Variants in GALNTL6 observed in about 807,000 individuals in gnomAD.
The protein encoded by GALNTL6 is polypeptide N-acetylgalactosaminyltransferase-like 6.
Under a neutral mutation model 73.7 loss-of-function variants are expected in GALNTL6, and 46 were observed. The observed-to-expected ratio is 0.62, with a 90% CI of 0.49 to 0.80. GALNTL6 has a LOEUF of 0.80. GALNTL6 is among the 30% of genes least tolerant of loss of function. The pLI, the probability that GALNTL6 is intolerant of heterozygous loss-of-function variation, is 0.00. For synonymous variants in GALNTL6, 259 were observed against 263.7 expected (o/e 0.98, Z 0.17); for missense variants, 604 against 755.0 (o/e 0.80, Z 2.34).
intron 2 of GALNTL6, among the ~76,000 whole-genome samples, chr4:172,176,253 T>C (rs1377276450): frequency 1.4e-5 from 2 of 142,186 alleles, no homozygotes; most frequent in African/African-American, 5.3e-5. Flanking sequence ...GGCAGGAGAA[T>C]GGCGTGAACC....
chr4:172,054,256 CAT>C (rs1222763974), intron 2 of GALNTL6, among the ~76,000 whole-genome samples: 1 of 152,072 alleles, frequency 6.6e-6, no homozygotes, highest in African/African-American at 2.4e-5. Flanking sequence ...TTATCACAAA[CAT>C]ATTTTTATAA....
chr4:172,177,811 A>ATG (rs750078747), intron 2 of GALNTL6, among the ~76,000 whole-genome samples: 1 of 135,408 alleles, frequency 7.4e-6, no homozygotes, highest in Non-Finnish European at 1.5e-5. Flanking sequence ...ACACACATAT[A>ATG]TGTGTGTGTA....
At chr4:172,728,683 C>A (rs1287249261) in intron 5 of GALNTL6, among the ~76,000 whole-genome samples, 1 of 152,124 alleles carries the variant, frequency 6.6e-6, no homozygotes, top group Non-Finnish European at 1.5e-5. Context: ...CTGCAATAAA[C>A]ATGGAAGTGC....
intron 2 of GALNTL6, among the ~76,000 whole-genome samples, chr4:172,205,402 C>T (rs533727866): frequency 1.3e-5 from 2 of 152,184 alleles, no homozygotes; most frequent in Non-Finnish European, 2.9e-5. Flanking sequence ...GGGACTTGTG[C>T]TAGAGTCCAC....
intron 5 of GALNTL6, among the ~76,000 whole-genome samples, chr4:172,804,300 A>G (rs927139791): frequency 6.6e-6 from 1 of 152,204 alleles, no homozygotes; most frequent in Admixed American, 6.5e-5. Flanking sequence ...GTTTCTGTGT[A>G]TTTATAATCC....
chr4:172,319,928 A>T (rs1458556746), intron 4 of GALNTL6, among the ~76,000 whole-genome samples: 1 of 152,130 alleles, frequency 6.6e-6, no homozygotes, highest in African/African-American at 2.4e-5. Context: ...AAAGAAGATC[A>T]CTCTATCCTT....
chr4:172,939,978 A>G (rs1389743151), intron 9 of GALNTL6, among the ~76,000 whole-genome samples: 1 of 152,222 alleles, frequency 6.6e-6, no homozygotes, highest in African/African-American at 2.4e-5. Flanking sequence ...ATAACGATAG[A>G]ATCCCACATT....
At chr4:171,862,167 C>G (rs576607230) in intron 2 of GALNTL6, among the ~76,000 whole-genome samples, 1 of 151,988 alleles carries the variant, frequency 6.6e-6, no homozygotes, top group East Asian at 1.9e-4. Flanking sequence ...ATGTAACAGG[C>G]AGAGGTCTTC....
intron 2 of GALNTL6, among the ~76,000 whole-genome samples, chr4:172,192,954 G>A (rs916332402): frequency 6.6e-6 from 1 of 152,196 alleles, no homozygotes; most frequent in Non-Finnish European, 1.5e-5. Context: ...TCCTCAGCAG[G>A]TAGGGCTTCC....
intron 2 of GALNTL6, among the ~76,000 whole-genome samples, chr4:171,866,695 G>T (rs2082758329): frequency 6.6e-6 from 1 of 152,222 alleles, no homozygotes. Context: ...TGCCAGCGGG[G>T]TCGGGTTCTG....
At chr4:172,436,727 G>A (rs867141261) in intron 5 of GALNTL6, among the ~76,000 whole-genome samples, 1 of 152,026 alleles carries the variant, frequency 6.6e-6, no homozygotes, top group Non-Finnish European at 1.5e-5. Context: ...CCTCTTGACA[G>A]CTTTCTGTTT....
intron 2 of GALNTL6, among the ~76,000 whole-genome samples, chr4:172,104,536 G>C (rs1303344366): frequency 6.6e-6 from 1 of 152,074 alleles, no homozygotes; most frequent in Non-Finnish European, 1.5e-5. Context: ...AGAAACAGCT[G>C]CTTTTTCATT....
intron 11 of GALNTL6, among the ~76,000 whole-genome samples, chr4:173,017,030 C>T (rs1365019433): frequency 6.6e-6 from 1 of 152,152 alleles, no homozygotes; most frequent in Admixed American, 6.5e-5. Flanking sequence ...TTGCTTGGCA[C>T]TGCTCCTTGC....
chr4:172,135,186 A>G (rs1201443516), intron 2 of GALNTL6, among the ~76,000 whole-genome samples: 1 of 152,172 alleles, frequency 6.6e-6, no homozygotes, highest in Non-Finnish European at 1.5e-5. Context: ...TATACTTATA[A>G]TTTTGATATA....
chr4:172,952,519 G>GTTT (rs201491765), intron 10 of GALNTL6, among the ~76,000 whole-genome samples: 3 of 147,462 alleles, frequency 2.0e-5, no homozygotes, highest in African/African-American at 2.5e-5. Flanking sequence ...TTTTGTTTTT[G>GTTT]TTTTTGTTTT....
At chr4:172,551,993 T>C (rs1297886599) in intron 5 of GALNTL6, among the ~76,000 whole-genome samples, 1 of 152,174 alleles carries the variant, frequency 6.6e-6, no homozygotes, top group African/African-American at 2.4e-5. Context: ...GAAAGTCTTA[T>C]AACTTTCATT....
chr4:172,876,944 CTA>C (rs1197126436), intron 7 of GALNTL6, among the ~76,000 whole-genome samples: 1 of 152,138 alleles, frequency 6.6e-6, no homozygotes, highest in Non-Finnish European at 1.5e-5. Flanking sequence ...TGTGGTTCAT[CTA>C]TATGTTTATT....
chr4:172,512,560 G>T (rs536535170), intron 5 of GALNTL6, among the ~76,000 whole-genome samples: 14 of 152,138 alleles, frequency 9.2e-5, no homozygotes, highest in African/African-American at 2.9e-4. Flanking sequence ...CTCTAAGAAG[G>T]TTCTATTTTG....
chr4:172,958,699 G>C (rs896307666), intron 10 of GALNTL6, among the ~76,000 whole-genome samples: 1 of 152,154 alleles, frequency 6.6e-6, no homozygotes, highest in Non-Finnish European at 1.5e-5. Flanking sequence ...AAGAAATTTG[G>C]GCTTGACTGA....
Sources: allele counts gnomAD v4.1 joint callset (sites outside exome capture counted in the v4.1 genomes callset), GRCh38; gene constraint gnomAD v4.1.1; transcripts MANE v1.5; gene names NCBI Gene and HGNC (gene_info 2026-07-23, HGNC 2026-07-21).